HMCN1: variants seen among roughly 807,000 people sequenced by gnomAD.
HMCN1 encodes the protein hemicentin 1.
Under a neutral mutation model 625.9 loss-of-function variants are expected in HMCN1, and 321 were observed. The observed-to-expected ratio is 0.51, with a 90% confidence interval of 0.47 to 0.56. The LOEUF (loss-of-function observed/expected upper bound fraction) is 0.56, where lower values mean the gene tolerates loss of function less well. Ranked by LOEUF, HMCN1 falls within the 20% of genes least tolerant of loss-of-function variation. HMCN1 has a pLI of 0.00. For synonymous variants in HMCN1, 2,425 were observed against 2,417.6 expected (o/e 1.00, Z -0.09); for missense variants, 6,588 against 6,887.3 (o/e 0.96, Z 1.54).
intron 13 of HMCN1, among the ~76,000 whole-genome samples, chr1:185,964,744 A>G (rs1371228412): frequency 6.6e-6 from 1 of 152,090 alleles, no homozygotes; most frequent in Non-Finnish European, 1.5e-5. Context: ...AGGAATTAGC[A>G]AAGATTTCTC....
At chr1:185,963,720 C>T (rs768377398) in intron 12 of HMCN1, 48 bp from the exon 13 acceptor site, 1 of 1,343,086 alleles carries the variant, frequency 7.4e-7, no homozygotes, top group Non-Finnish European at 1.1e-6. Flanking sequence ...CTTGATATTA[C>T]TATTGTGGCA....
chr1:185,834,936 G>GA (rs1273934239), intron 1 of HMCN1, among the ~76,000 whole-genome samples: 1 of 152,068 alleles, frequency 6.6e-6, no homozygotes, highest in East Asian at 1.9e-4. Flanking sequence ...CTCTTATATA[G>GA]AAAAAATATA....
chr1:186,120,287 C>A (rs897462033), intron 80 of HMCN1, 142 bp downstream of exon 80: 5 of 972,732 alleles, frequency 5.1e-6, no homozygotes, highest in Admixed American at 2.8e-5. Context: ...ATTGGTTTTT[C>A]TATCACTTTT....
At chr1:185,975,108 T>A (rs551450413) in intron 15 of HMCN1, among the ~76,000 whole-genome samples, 1 of 152,292 alleles carries the variant, frequency 6.6e-6, no homozygotes, top group Non-Finnish European at 1.5e-5. Context: ...ACTCTGAGGC[T>A]AACATATCCA....
intron 105 of HMCN1, among the ~76,000 whole-genome samples, chr1:186,184,145 G>A (rs1009404237): frequency 2.6e-5 from 4 of 152,142 alleles, no homozygotes; most frequent in African/African-American, 7.2e-5. Flanking sequence ...GGAAAATGAC[G>A]TGGTCAAATC....
chr1:186,071,474 C>G (rs571067961), intron 52 of HMCN1, among the ~76,000 whole-genome samples: 2 of 152,232 alleles, frequency 1.3e-5, no homozygotes, highest in South Asian at 4.1e-4. Flanking sequence ...TGCTGTTGAT[C>G]TTAGACCAAA....
At position 186,166,262 on chromosome 1, in the gene HMCN1, C is replaced by G; in HGVS notation, c.15398C>G (p.Pro5133Arg). 2 of 1,614,148 alleles carry G rather than the reference C, an allele frequency of 1.2e-6. No homozygotes were observed. Among genetic ancestry groups the G allele is most frequent in the Middle Eastern group, 1.6e-4 (1 of 6,062 alleles). The change falls in exon 99 of 107, where the codon CCT (proline) becomes CGT (arginine). Residue 5133 changes from proline (P) to arginine (R), a missense_variant. Physicochemically the swap from Pro to Arg is moderately radical, Grantham distance 103. Transcript: ENST00000271588. ...ATGGGGACTTACTACTGCTCCTGCC[C>G]TAAAGGCCTCACCATAGCTGCAGAT... ...NAMGTYYCSC[P>R]KGLTIAADGR...
intron 86 of HMCN1, among the ~76,000 whole-genome samples, chr1:186,135,045 C>G (rs1649512958): frequency 6.6e-6 from 1 of 152,148 alleles, no homozygotes; most frequent in Non-Finnish European, 1.5e-5. Context: ...TCCAAGTGTT[C>G]TCCCCTCTCC....
chr1:185,736,351 T>C (rs573372571), intron 1 of HMCN1, among the ~76,000 whole-genome samples: 1 of 152,312 alleles, frequency 6.6e-6, no homozygotes, highest in South Asian at 2.1e-4. Context: ...TATATTTGAA[T>C]AAAGAATTGA....
chr1:186,099,329 G>A (rs960938291), intron 68 of HMCN1, among the ~76,000 whole-genome samples: 9 of 152,048 alleles, frequency 5.9e-5, no homozygotes, highest in African/African-American at 1.9e-4. Context: ...GTGTGTCTGG[G>A]AGGTGCAGGG....
At chr1:186,096,930 A>G (rs2102427148) in intron 68 of HMCN1, among the ~76,000 whole-genome samples, 1 of 152,280 alleles carries the variant, frequency 6.6e-6, no homozygotes, top group South Asian at 2.1e-4. Context: ...TCCACAGCTA[A>G]CATCACACTA....
chr1:186,125,432 A>G (rs1359565647), intron 81 of HMCN1, among the ~76,000 whole-genome samples, 172 bp from the exon 82 acceptor site: 1 of 152,196 alleles, frequency 6.6e-6, no homozygotes, highest in Non-Finnish European at 1.5e-5. Flanking sequence ...TAGCACCAAA[A>G]ATACTGATTT....
intron 91 of HMCN1, 59 bp from the exon 92 acceptor site, chr1:186,145,341 CATT>C: frequency 2.7e-6 from 4 of 1,460,392 alleles, no homozygotes; most frequent in Non-Finnish European, 1.8e-6. Flanking sequence ...GGATGAATGT[CATT>C]GTTGACCACT....
chr1:186,134,657 A>G (rs1649485874), intron 86 of HMCN1, among the ~76,000 whole-genome samples: 2 of 152,160 alleles, frequency 1.3e-5, no homozygotes, highest in Admixed American at 6.6e-5. Flanking sequence ...AAAAACTAAC[A>G]TATTAATATC....
Position 186,159,928 on chromosome 1 carries a change from G to C in HMCN1, c.15257-5183G>C, listed in dbSNP as rs1462619390. The stretch of plus-strand genomic sequence containing the variant: ...CTGGCTTTGGTATCAGGGTGATGCT[G>C]GCCTCATAAAATGAGTTAGGGAGGA... On this transcript the variant is annotated intron_variant, in intron 97 of 106. Transcript: ENST00000271588. Among the ~76,000 whole-genome samples, 16 of 152,182 alleles carry C rather than the reference G, an allele frequency of 1.1e-4. No individual in the cohort carries two copies. In the South Asian group the frequency reaches 1.9e-3, roughly 18 times the overall value.
chr1:185,778,036 T>A (rs1656747750), intron 1 of HMCN1, among the ~76,000 whole-genome samples: 1 of 152,154 alleles, frequency 6.6e-6, no homozygotes, highest in African/African-American at 2.4e-5. Flanking sequence ...TGGGCTAGGG[T>A]TTCCTCCCCT....
chr1:185,930,226 T>C (rs1667474088), intron 10 of HMCN1, among the ~76,000 whole-genome samples: 2 of 152,192 alleles, frequency 1.3e-5, no homozygotes, highest in Non-Finnish European at 2.9e-5. Context: ...ACTCAGTCAA[T>C]TTAAAAAGAA....
At chr1:185,748,075 A>C (rs1036471924) in intron 1 of HMCN1, among the ~76,000 whole-genome samples, 2 of 150,036 alleles carry the variant, frequency 1.3e-5, no homozygotes, top group African/African-American at 2.5e-5. Context: ...ATAGAAGGTC[A>C]AGAAAATACA....
At chr1:185,962,408 G>T in intron 11 of HMCN1, 110 bp from the exon 12 acceptor site, 1 of 850,456 alleles carries the variant, frequency 1.2e-6, no homozygotes. Context: ...ATCCATAGAG[G>T]AAGGCAATAA....
Sources: gnomAD v4.1 joint callset for allele counts (sites outside exome capture counted in the v4.1 genomes callset) on GRCh38, gnomAD v4.1.1 for gene constraint, MANE v1.5 for transcripts, NCBI Gene and HGNC (gene_info 2026-07-23, HGNC 2026-07-21) for gene names.